Variants in SCARB2 observed in about 807,000 individuals in gnomAD.
SCARB2 encodes scavenger receptor class B member 2.
Under a neutral mutation model 58.6 loss-of-function variants are expected in SCARB2, and 29 were observed. That is an observed-to-expected ratio of 0.49 (90% CI 0.37 to 0.67). The LOEUF (loss-of-function observed/expected upper bound fraction) is 0.67. Among genes scored for constraint, SCARB2 ranks in the 30% least tolerant of loss-of-function variants. SCARB2 has a pLI of 0.00. For missense variants in SCARB2, 488 were observed against 578.5 expected (o/e 0.84, Z 1.60); for synonymous variants, 195 against 210.1 (o/e 0.93, Z 0.62).
chr4:76,188,784 A>G (rs921632180), intron 2 of SCARB2, among the ~76,000 whole-genome samples: 1 of 152,226 alleles, frequency 6.6e-6, no homozygotes, highest in African/African-American at 2.4e-5. Context: ...AACAGGCCCC[A>G]TAGAAGGTTT....
intron 8 of SCARB2, among the ~76,000 whole-genome samples, chr4:76,169,317 TACAC>T (rs1553947566): frequency 9.4e-5 from 12 of 127,390 alleles, no homozygotes; most frequent in South Asian, 2.4e-4. Context: ...ATGTGTATTA[TACAC>T]ACACACACAC....
chr4:76,217,691 A>T, upstream of SCARB2: 1 of 620,572 alleles, frequency 1.6e-6, no homozygotes, highest in East Asian at 2.8e-5. Context: ...AATCTCAGGT[A>T]TTGTTATAGC....
intron 1 of SCARB2, among the ~76,000 whole-genome samples, chr4:76,219,281 A>G (rs1386052169): frequency 6.6e-6 from 1 of 152,216 alleles, no homozygotes; most frequent in Non-Finnish European, 1.5e-5. Context: ...TTGAACTAGA[A>G]TGGAGAGCCA....
chr4:76,215,088 G>A (rs1161602564), upstream of SCARB2, among the ~76,000 whole-genome samples: 2 of 152,378 alleles, frequency 1.3e-5, no homozygotes, highest in East Asian at 1.9e-4. Context: ...GCTCAGTCAT[G>A]AGCTGGGAGC....
chr4:76,174,023 A>G, intron 7 of SCARB2, 121 bp downstream of exon 7: 2 of 1,250,630 alleles, frequency 1.6e-6, no homozygotes, highest in South Asian at 1.3e-5. Flanking sequence ...ATCCCACCTC[A>G]GCATCCTTAG....
At chr4:76,200,738 T>A (rs1732812909) in intron 1 of SCARB2, among the ~76,000 whole-genome samples, 1 of 152,190 alleles carries the variant, frequency 6.6e-6, no homozygotes, top group Non-Finnish European at 1.5e-5. Context: ...TCTAAACATC[T>A]CACAGGCTGC....
At chr4:76,179,895 C>T (rs1732343540) in intron 3 of SCARB2, 190 bp from the exon 4 acceptor site, 2 of 646,578 alleles carry the variant, frequency 3.1e-6, no homozygotes, top group Non-Finnish European at 5.6e-6. Flanking sequence ...CTGTCCTTTC[C>T]CAGTACTGCA....
rs11947701 is a variant in SCARB2, at chr4:76,175,624, T to C, written c.824+167A>G. On this transcript the variant is annotated intron_variant, in intron 6 of 11. Transcript: ENST00000264896. The stretch of plus-strand genomic sequence containing the variant: ...CAAACCAACAGTCAGAAGTCTGTGC[T>C]GTGAACCAGTACACTATACTGTCTC... 0.22 allele frequency among the ~76,000 whole-genome samples: 34,128 copies of C among 152,130 alleles called. 4,705 individuals are homozygous for C. Among genetic ancestry groups the C allele is most frequent in the African/African-American group, 0.39 (16,183 of 41,462 alleles).
chr4:76,217,054 A>G (rs1051913161), upstream of SCARB2, among the ~76,000 whole-genome samples: 9 of 152,110 alleles, frequency 5.9e-5, no homozygotes, highest in South Asian at 4.2e-4. Context: ...AAGTTTCTCA[A>G]TGCCCTTTGG....
Position 76,175,866 on chromosome 4 carries a change from C to T in SCARB2, c.749G>A (p.Gly250Glu). The T allele has an allele frequency of 1.2e-6, 2 of 1,613,908 alleles. No homozygotes were observed. The highest frequency in any genetic ancestry group is 1.7e-6 in the Non-Finnish European group (2 of 1,179,946). The change falls in exon 6 of 12, where the codon GGA becomes GAA. Residue 250 changes from glycine (G) to glutamate (E), a missense_variant. By Grantham distance (98) the Gly-to-Glu change is moderately conservative. Transcript: ENST00000264896. ...TGGGTGAAAAGAATCTCCATCTGTT[C>T]CATTAATCATATTGCACTTGTCTGT... ...WITDKCNMIN[G>E]TDGDSFHPLI...
At position 76,163,279 on chromosome 4, in the gene SCARB2, G is replaced by A; in HGVS notation, c.1344C>T (p.Phe448=). ...IPYIIMALGV[F]FGLVFTWLAC... Reference sequence around the variant, plus strand: ...CAAGCCAGGTAAAAACCAAACCAAAGAACACACCCAGCGCCATGATGATGT... The same window carrying A: ...CAAGCCAGGTAAAAACCAAACCAAAAAACACACCCAGCGCCATGATGATGT... The change falls in exon 11 of 12, where the codon TTC becomes TTT. Residue 448 remains phenylalanine, a synonymous_variant. Transcript: ENST00000264896. 1 of 1,614,112 alleles carries A rather than the reference G, an allele frequency of 6.2e-7. No individual in the cohort carries two copies. Among genetic ancestry groups the A allele is most frequent in the Non-Finnish European group, 8.5e-7 (1 of 1,180,024 alleles).
chr4:76,191,377 TATG>T (rs1194600606), intron 2 of SCARB2, among the ~76,000 whole-genome samples: 1 of 152,104 alleles, frequency 6.6e-6, no homozygotes, highest in African/African-American at 2.4e-5. Context: ...CATGTTGAAA[TATG>T]ATCCCCAATG....
chr4:76,202,399 T>C (rs1344907334), intron 1 of SCARB2, among the ~76,000 whole-genome samples: 2 of 152,108 alleles, frequency 1.3e-5, no homozygotes, highest in Admixed American at 6.5e-5. Context: ...GTAGCTGGGA[T>C]TACAGGCACA....
chr4:76,176,024 T>C, intron 5 of SCARB2, 114 bp from the exon 6 acceptor site: 4 of 1,260,182 alleles, frequency 3.2e-6, no homozygotes, highest in Middle Eastern at 2.6e-4. Flanking sequence ...CAGTATCTTA[T>C]TCATACACAG....
chr4:76,188,965 ACTAAGTC>A (rs1044338934), intron 2 of SCARB2, among the ~76,000 whole-genome samples: 3 of 152,202 alleles, frequency 2.0e-5, no homozygotes, highest in Non-Finnish European at 2.9e-5. Flanking sequence ...GGTTTCCTGA[ACTAAGTC>A]CTATGGTTCC....
intron 6 of SCARB2, chr4:76,174,700 G>C (rs1456465977): frequency 3.8e-6 from 1 of 264,656 alleles, no homozygotes; most frequent in Non-Finnish European, 7.4e-6. Flanking sequence ...CCAAAGCTAA[G>C]GTAGAACAGG....
chr4:76,225,795 T>G (rs545451363), intron 1 of SCARB2, among the ~76,000 whole-genome samples: 1 of 152,308 alleles, frequency 6.6e-6, no homozygotes, highest in Non-Finnish European at 1.5e-5. Flanking sequence ...TAGCTAGTAT[T>G]TTGTTGTAGA....
intron 1 of SCARB2, among the ~76,000 whole-genome samples, chr4:76,223,924 T>C (rs1382941942): frequency 1.3e-5 from 2 of 152,180 alleles, no homozygotes; most frequent in Non-Finnish European, 2.9e-5. Flanking sequence ...GCTGCTACCC[T>C]ATCCCTGAGC....
chr4:76,192,671 G>A (rs1314126028), intron 2 of SCARB2: 1 of 151,054 alleles, frequency 6.6e-6, no homozygotes, highest in Admixed American at 6.6e-5. Flanking sequence ...AACATAGGGA[G>A]ACTCTGTCTC....
Sources: gnomAD v4.1 joint callset for allele counts (sites outside exome capture counted in the v4.1 genomes callset) on GRCh38, gnomAD v4.1.1 for gene constraint, MANE v1.5 for transcripts, NCBI Gene and HGNC (gene_info 2026-07-23, HGNC 2026-07-21) for gene names.